FHL1: variants seen among roughly 807,000 people sequenced by gnomAD.
FHL1 encodes the protein four and a half LIM domains protein 1.
FHL1 carries 1 observed loss-of-function variant against 20.3 expected under a neutral mutation model. The observed-to-expected ratio is 0.05, with a 90% CI of 0.02 to 0.23. The LOEUF (loss-of-function observed/expected upper bound fraction) is 0.23. Ranked by LOEUF, FHL1 falls within the 10% of genes least tolerant of loss-of-function variation. The probability of loss-of-function intolerance (pLI) is 1.00; values close to 1 mark genes in which losing one functional copy is unlikely to be tolerated. For synonymous variants in FHL1, 82 were observed against 88.9 expected (o/e 0.92, Z 0.44); for missense variants, 177 against 234.0 (o/e 0.76, Z 1.59).
chrX:136,184,687 T>C (rs1471822415), intron 2 of FHL1, among the ~76,000 whole-genome samples: 1 of 111,623 alleles, frequency 9.0e-6, no homozygotes, highest in Non-Finnish European at 1.9e-5. Flanking sequence ...ATGATAAATG[T>C]GTGTGTGTTT....
chrX:136,197,968 G>GTT (rs56750734), intron 1 of FHL1, among the ~76,000 whole-genome samples: 10,625 of 96,540 alleles, frequency 0.11, 658 homozygotes, highest in East Asian at 0.33. Context: ...CATTATCTAT[G>GTT]TTTTTTTTTT....
intron 2 of FHL1, among the ~76,000 whole-genome samples, chrX:136,183,135 CAG>C (rs1431962217): frequency 2.4e-4 from 24 of 100,563 alleles, no homozygotes; most frequent in Admixed American, 6.5e-4. Context: ...AAAAAAAAAA[CAG>C]AAAATATATT....
At chrX:136,166,998 G>C (rs2072728338), upstream of FHL1, 1 of 111,604 alleles carries the variant, frequency 9.0e-6, no homozygotes, top group African/African-American at 3.3e-5. Context: ...GCCTGTATTT[G>C]GGCTCAGGCA....
At chrX:136,179,886 A>G (rs983608555) in intron 2 of FHL1, among the ~76,000 whole-genome samples, 1 of 111,466 alleles carries the variant, frequency 9.0e-6, no homozygotes, top group Non-Finnish European at 1.9e-5. Context: ...TATTCCTACC[A>G]CCTAGAGTCA....
chrX:136,182,726 C>T (rs2073186444), intron 2 of FHL1: 1 of 112,305 alleles, frequency 8.9e-6, no homozygotes, highest in South Asian at 3.7e-4. Context: ...CACTTCAGTT[C>T]CAGCTGCTGT....
At chrX:136,160,494 G>A (rs781663501) in intron 1 of FHL1, among the ~76,000 whole-genome samples, 45 of 111,239 alleles carry the variant, frequency 4.0e-4, no homozygotes, top group Non-Finnish European at 8.1e-4. Context: ...AGTGACGATC[G>A]TGGCTCACTG....
intron 2 of FHL1, among the ~76,000 whole-genome samples, chrX:136,184,081 G>C (rs932855472): frequency 4.5e-5 from 5 of 111,801 alleles, no homozygotes; most frequent in South Asian, 7.5e-4. Flanking sequence ...GGAGGGAATT[G>C]ATATTTGATA....
intron 1 of FHL1, among the ~76,000 whole-genome samples, 170 bp downstream of exon 1, chrX:136,197,304 C>A (rs2073583171): frequency 8.9e-6 from 1 of 112,139 alleles, no homozygotes; most frequent in Admixed American, 9.5e-5. Flanking sequence ...ATTTCAAAGA[C>A]AAAATATTGT....
intron 1 of FHL1, among the ~76,000 whole-genome samples, chrX:136,201,002 A>G (rs2148359181): frequency 1.8e-5 from 2 of 110,980 alleles, no homozygotes; most frequent in Non-Finnish European, 3.8e-5. Flanking sequence ...TGTCTCTACT[A>G]AAAATACAAA....
In FHL1 at chrX:136,207,064, G is replaced by A. The variant is rs139625615; in HGVS notation, c.253G>A (p.Ala85Thr). 8.9e-5 allele frequency: 108 copies of A among 1,210,180 alleles called. No individual in the cohort carries two copies. The East Asian group carries it at 3.1e-3, about 35-fold the overall frequency. Residue 85 changes from alanine (A) to threonine (T), a missense_variant, in exon 3 of 6, where the codon GCC becomes ACC. Ala to Thr is a moderately conservative substitution (Grantham distance 58). Transcript: ENST00000370683. ...RFWHDTCFRC[A>T]KCLHPLANET... is the part of the protein sequence containing the mutation. ...CTGGCATGACACCTGCTTCCGCTGTGCCAAGTGCCTTCACCCCTTGGCCAA... is the reference window on the plus strand; with the variant it reads ...CTGGCATGACACCTGCTTCCGCTGTACCAAGTGCCTTCACCCCTTGGCCAA...
chrX:136,174,919 C>T (rs754557783), intron 2 of FHL1, among the ~76,000 whole-genome samples: 7 of 111,385 alleles, frequency 6.3e-5, no homozygotes, highest in African/African-American at 2.3e-4. Context: ...TATATGATAA[C>T]CTTGTAAGCT....
chrX:136,176,204 G>A (rs1460488403), intron 2 of FHL1, among the ~76,000 whole-genome samples: 1 of 112,308 alleles, frequency 8.9e-6, no homozygotes, highest in South Asian at 3.7e-4. Context: ...CATGTTTAAA[G>A]GTCCAGTGTC....
chrX:136,163,918 C>T (rs747520578), intron 1 of FHL1, among the ~76,000 whole-genome samples: 24 of 111,997 alleles, frequency 2.1e-4, no homozygotes, highest in Non-Finnish European at 4.3e-4. Context: ...AAGTTGTAGA[C>T]TTGGCAATGA....
chrX:136,200,389 T>A (rs1400125287), intron 1 of FHL1, among the ~76,000 whole-genome samples: 1 of 111,999 alleles, frequency 8.9e-6, no homozygotes, highest in Non-Finnish European at 1.9e-5. Context: ...AAATAGTATG[T>A]CATATTGCAT....
intron 2 of FHL1, among the ~76,000 whole-genome samples, chrX:136,189,086 T>C (rs926904): frequency 0.41 from 45,078 of 110,622 alleles, 6,645 homozygotes; most frequent in African/African-American, 0.44. Flanking sequence ...AATTAGTGCT[T>C]ATAAGGTAAA....
At position 136,210,167 on chromosome X, in the gene FHL1, G is replaced by A; in HGVS notation, c.*142G>A. 1.1e-6 allele frequency: 1 copy of A among 909,118 alleles called. No individual in the cohort carries two copies. Among genetic ancestry groups the A allele is most frequent in the Non-Finnish European group, 1.6e-6 (1 of 630,138 alleles). The allele number at this position is 909,118 out of a possible 1,213,427, so 74.9% of individuals were successfully genotyped here. On this transcript the variant is annotated 3_prime_UTR_variant, in exon 6 of 6. Coordinates refer to ENST00000370683, the MANE Select transcript of FHL1 (RefSeq NM_001159699.2). ...CTTCCGTCTTTTCTCCCATTTTACA[G>A]TATTACTCAAATAAGGGCACACAGT...
chrX:136,189,416 C>T (rs761736117), intron 2 of FHL1, among the ~76,000 whole-genome samples: 2 of 111,842 alleles, frequency 1.8e-5, no homozygotes, highest in Non-Finnish European at 3.8e-5. Context: ...CTGCCCCAGT[C>T]ATTCTCAGGC....
chrX:136,209,210 A>G, intron 5 of FHL1: 2 of 1,178,602 alleles, frequency 1.7e-6, no homozygotes, highest in Non-Finnish European at 2.3e-6. Flanking sequence ...GAGCCTTGAA[A>G]TGTACATTTG....
At chrX:136,183,261 T>C (rs1041876933) in intron 2 of FHL1, among the ~76,000 whole-genome samples, 1 of 111,380 alleles carries the variant, frequency 9.0e-6, no homozygotes, top group African/African-American at 3.3e-5. Flanking sequence ...TGGAGAGTTG[T>C]AAGAAATTTA....
Sources: allele counts gnomAD v4.1 joint callset (sites outside exome capture counted in the v4.1 genomes callset), GRCh38; gene constraint gnomAD v4.1.1; transcripts MANE v1.5; gene names NCBI Gene and HGNC (gene_info 2026-07-23, HGNC 2026-07-21).